DOCK8: variants seen among roughly 807,000 people sequenced by gnomAD.
DOCK8 encodes dedicator of cytokinesis 8.
DOCK8 carries 141 observed loss-of-function variants against 245.6 expected under a neutral mutation model. The ratio of observed to expected loss-of-function variants is 0.57; its 90% CI spans 0.50 to 0.66. The LOEUF (loss-of-function observed/expected upper bound fraction) is 0.66. Ranked by LOEUF, DOCK8 falls within the 30% of genes least tolerant of loss-of-function variation. The pLI, the probability that DOCK8 is intolerant of heterozygous loss-of-function variation, is 0.00. For missense variants in DOCK8, 2,965 were observed against 2,603.4 expected, an observed-to-expected ratio of 1.14 and a Z score of -3.02; for synonymous variants, 1,168 against 970.2, an observed-to-expected ratio of 1.20 and a Z score of -3.79.
chr9:436,996 G>A (rs2131774474), intron 39 of DOCK8, among the ~76,000 whole-genome samples: 1 of 152,310 alleles, frequency 6.6e-6, no homozygotes, highest in South Asian at 2.1e-4. Context: ...GCTTCTTGAT[G>A]TAGAGGAGGC....
rs561759834 is a variant in DOCK8, at chr9:444,378, A to G, written c.5580+862A>G. ...TAATAATAATAATTTGGGAGTTTCT[A>G]TGATACCTGTTAGATTAAATAATTC... is the stretch of plus-strand genomic sequence containing the variant. On this transcript the variant is annotated intron_variant, in intron 43 of 47. Transcript: ENST00000432829. 3.5e-3 allele frequency among the ~76,000 whole-genome samples: 440 copies of G among 125,506 alleles called. 1 individual carries two copies. Among genetic ancestry groups the G allele is most frequent in the African/African-American group, 0.011 (405 of 37,724 alleles). 82.3% of individuals were successfully genotyped at this position (125,506 alleles called of 152,430 possible). A position where few individuals can be genotyped will look rare whatever the true frequency, so the allele number is the denominator to read the frequency against.
rs550514833 is a variant in DOCK8, at chr9:333,373, G to A, written c.1126-852G>A. On this transcript the variant is annotated intron_variant, in intron 10 of 47. Coordinates refer to ENST00000432829, the MANE Select transcript of DOCK8 (RefSeq NM_203447.4). Reference sequence around the variant, plus strand: ...TCCCAGCACTTTGGGAGGCCAAGGCGGGCAGATCATGAGGTCAGAAGATTG... The same window carrying A: ...TCCCAGCACTTTGGGAGGCCAAGGCAGGCAGATCATGAGGTCAGAAGATTG... Among the ~76,000 whole-genome samples, 100 of 152,298 alleles carry A rather than the reference G, an allele frequency of 6.6e-4. 1 individual carries two copies. The highest frequency in any genetic ancestry group is 2.0e-3 in the African/African-American group (85 of 41,556).
At chr9:439,467 A>T (rs10217568) in intron 40 of DOCK8, 79 bp downstream of exon 40, 3 of 1,582,478 alleles carry the variant, frequency 1.9e-6, no homozygotes, top group Non-Finnish European at 2.6e-6. Flanking sequence ...ACCTGGTCTT[A>T]ATGGCCCAGT....
At chr9:266,121 G>A (rs2021977) in intron 1 of DOCK8, among the ~76,000 whole-genome samples, 2 of 152,004 alleles carry the variant, frequency 1.3e-5, no homozygotes, top group Non-Finnish European at 2.9e-5. Flanking sequence ...CTTCTTTTAC[G>A]AATTTTTTTC....
intron 46 of DOCK8, 106 bp downstream of exon 46, chr9:452,223 T>C (rs759086271): frequency 4.0e-6 from 3 of 748,874 alleles, no homozygotes; most frequent in Non-Finnish European, 4.6e-6. Context: ...AAAGACAAAG[T>C]CTCAGGCACC....
At chr9:457,752 G>A (rs1024443379) in intron 46 of DOCK8, among the ~76,000 whole-genome samples, 1 of 152,220 alleles carries the variant, frequency 6.6e-6, no homozygotes, top group Admixed American at 6.5e-5. Flanking sequence ...TGTACAAATA[G>A]TTCATTTACT....
upstream of DOCK8, chr9:213,321 T>C (rs752097762): frequency 6.6e-6 from 1 of 152,080 alleles, no homozygotes; most frequent in Non-Finnish European, 1.5e-5. Context: ...AGAGACTGAA[T>C]ATAGTCCTTA....
At chr9:307,498 A>G (rs1485742017) in intron 5 of DOCK8, among the ~76,000 whole-genome samples, 2 of 151,820 alleles carry the variant, frequency 1.3e-5, no homozygotes, top group Non-Finnish European at 2.9e-5. Context: ...AGCTGGGATT[A>G]CAGACATGCG....
intron 14 of DOCK8, among the ~76,000 whole-genome samples, chr9:359,215 C>A (rs1445649569): frequency 1.3e-5 from 2 of 152,104 alleles, no homozygotes; most frequent in South Asian, 2.1e-4. Context: ...TCCCTTTAGC[C>A]CTTGTAGATA....
chr9:271,719 C>G lies in DOCK8; in HGVS notation c.146C>G (p.Ser49Cys). 1 of 1,550,826 alleles carries G rather than the reference C, an allele frequency of 6.4e-7. No individual in the cohort carries two copies. Among genetic ancestry groups the G allele is most frequent in the Non-Finnish European group, 8.7e-7 (1 of 1,146,014 alleles). ...AGCATAAGTACCTCTGGCTTCCCCTCTCTTCAACTAGTAAGTATGAGTTCC... is the reference window on the plus strand; with the variant it reads ...AGCATAAGTACCTCTGGCTTCCCCTGTCTTCAACTAGTAAGTATGAGTTCC... ...RQSISTSGFP[S>C]LQLPQFYDPV... is the part of the protein sequence containing the mutation. The change falls in exon 2 of 48, where the codon TCT becomes TGT. Residue 49 changes from serine to cysteine, a missense_variant. Transcript: ENST00000432829.
At chr9:264,853 C>A (rs2048000431) in intron 1 of DOCK8, among the ~76,000 whole-genome samples, 1 of 152,228 alleles carries the variant, frequency 6.6e-6, no homozygotes, top group Admixed American at 6.5e-5. Context: ...ATGCCATGCA[C>A]AATGATCTAA....
intron 46 of DOCK8, among the ~76,000 whole-genome samples, chr9:460,814 G>A (rs2057781961): frequency 6.6e-6 from 1 of 152,218 alleles, no homozygotes; most frequent in African/African-American, 2.4e-5. Context: ...TCCTGAAAAT[G>A]TGTTCAGTGT....
intron 35 of DOCK8, among the ~76,000 whole-genome samples, chr9:428,739 A>G (rs1378640549): frequency 2.0e-5 from 3 of 152,232 alleles, no homozygotes; most frequent in African/African-American, 7.2e-5. Context: ...TAAAATGGCC[A>G]TTCGCTGAAG....
intron 7 of DOCK8, among the ~76,000 whole-genome samples, chr9:325,390 C>A (rs1326301242): frequency 6.6e-6 from 1 of 152,186 alleles, no homozygotes; most frequent in Admixed American, 6.5e-5. Context: ...GTCCATTCAG[C>A]CCACTCTCTC....
chr9:307,222 G>A lies in DOCK8; in HGVS notation c.528+2518G>A, dbSNP rs551701891. On this transcript the variant is annotated intron_variant, in intron 5 of 47. Transcript: ENST00000432829. ...TAGCATCAAAGAACAAGGCATAAAA[G>A]GGTGAATTTGGAGCCCAGAAACAAT... Among the ~76,000 whole-genome samples the A allele has an allele frequency of 7.2e-5, 11 of 152,158 alleles. No individual in the cohort carries two copies. The East Asian group carries it at 2.1e-3, about 29-fold the overall frequency.
intron 19 of DOCK8, 83 bp from the exon 20 acceptor site, chr9:376,894 A>C: frequency 6.3e-5 from 76 of 1,213,644 alleles, no homozygotes; most frequent in Non-Finnish European, 8.2e-5. Flanking sequence ...CTACCCATAA[A>C]GAGCTATTCG....
intron 24 of DOCK8, among the ~76,000 whole-genome samples, chr9:394,712 T>C (rs2054365438): frequency 6.6e-6 from 1 of 152,160 alleles, no homozygotes; most frequent in East Asian, 1.9e-4. Context: ...CATTAAGGGG[T>C]TCTTTAGAGG....
At chr9:304,526 G>C in intron 4 of DOCK8, 55 bp from the exon 5 acceptor site, 5 of 1,610,850 alleles carry the variant, frequency 3.1e-6, no homozygotes, top group Admixed American at 3.3e-5. Flanking sequence ...TAATCTAATG[G>C]TTTGCCGCTC....
intron 4 of DOCK8, among the ~76,000 whole-genome samples, chr9:292,418 A>C (rs975982462): frequency 1.4e-5 from 2 of 144,320 alleles, no homozygotes; most frequent in Non-Finnish European, 1.5e-5. Context: ...AAAAAAGATT[A>C]TTGACACTAC....
Sources: gnomAD v4.1 joint callset for allele counts (sites outside exome capture counted in the v4.1 genomes callset) on GRCh38, gnomAD v4.1.1 for gene constraint, MANE v1.5 for transcripts, NCBI Gene and HGNC (gene_info 2026-07-23, HGNC 2026-07-21) for gene names.